The following TTC33 variants were observed in gnomAD, a reference collection of about 807,000 sequenced individuals.
TTC33 encodes the protein tetratricopeptide repeat domain 33.
In TTC33, 24 loss-of-function variants were observed where a neutral mutation model predicts 29.4. The ratio of observed to expected loss-of-function variants is 0.82; its 90% CI spans 0.59 to 1.15. The LOEUF is 1.15. Among genes scored for constraint, TTC33 ranks in the 50% most tolerant of loss-of-function variants. The probability of loss-of-function intolerance (pLI) is 0.00; values close to 1 mark genes in which losing one functional copy is unlikely to be tolerated. For missense variants in TTC33, 286 were observed against 310.4 expected (o/e 0.92, Z 0.59); for synonymous variants, 107 against 100.3 (o/e 1.07, Z -0.40).
rs1405000739 is a variant in TTC33, at chr5:40,713,243, T to C, written c.*2902A>G. On this transcript the variant is annotated 3_prime_UTR_variant, in exon 5 of 5. Transcript: ENST00000337702. ...CAGAATTGCTGGTCCAGAGTCACTT[T>C]AGAATGGCTCTGATTCAAGGAAATT... Among the ~76,000 whole-genome samples, 1 of 152,168 alleles carries C rather than the reference T, an allele frequency of 6.6e-6. No homozygotes were observed. The highest frequency in any genetic ancestry group is 1.9e-4 in the East Asian group (1 of 5,186).
chr5:40,746,021 A>C (rs1742782144), intron 2 of TTC33, among the ~76,000 whole-genome samples: 1 of 152,164 alleles, frequency 6.6e-6, no homozygotes, highest in African/African-American at 2.4e-5. Flanking sequence ...TACCTTTCAC[A>C]AATTTTTAAT....
At chr5:40,753,979 G>A (rs901073050) in intron 1 of TTC33, among the ~76,000 whole-genome samples, 20 of 151,878 alleles carry the variant, frequency 1.3e-4, no homozygotes, top group Admixed American at 1.1e-3. Context: ...AGGGTGGGAA[G>A]GAAAGGAAAA....
rs778989647 is a variant in TTC33 at position 40,716,349 on chromosome 5, G to A, written c.585C>T (p.His195=). The part of the protein sequence containing the change: ...KKSEAPAEVT[H]FSPKSIPDYD... ...AGTCTGGAATTGACTTTGGTGAAAA[G>A]TGTGTTACTTCAGCTGGTGCTTCAC... The change falls in exon 5 of 5, where the codon CAC becomes CAT. Residue 195 remains histidine, a synonymous_variant. Coordinates refer to ENST00000337702, the MANE Select transcript of TTC33 (RefSeq NM_012382.3). 3.0e-5 allele frequency: 48 copies of A among 1,614,182 alleles called. No homozygotes were observed. The highest frequency in any genetic ancestry group is 1.6e-4 in the Middle Eastern group (1 of 6,062).
At chr5:40,740,072 A>T (rs1456517210) in intron 2 of TTC33, among the ~76,000 whole-genome samples, 1 of 152,150 alleles carries the variant, frequency 6.6e-6, no homozygotes, top group Non-Finnish European at 1.5e-5. Context: ...TAATAGCAAT[A>T]TAATTCCATT....
intron 2 of TTC33, among the ~76,000 whole-genome samples, chr5:40,740,190 T>C (rs1285882526): frequency 6.6e-6 from 1 of 151,966 alleles, no homozygotes; most frequent in Non-Finnish European, 1.5e-5. Context: ...AGAATTTAAA[T>C]TTTTTGTTTA....
At chr5:40,753,610 T>C (rs145254355) in intron 1 of TTC33, among the ~76,000 whole-genome samples, 147 of 152,094 alleles carry the variant, frequency 9.7e-4, no homozygotes, top group African/African-American at 3.5e-3. Flanking sequence ...AAAACAGAAG[T>C]GTGGATACTA....
intron 2 of TTC33, among the ~76,000 whole-genome samples, chr5:40,746,092 G>C (rs1363280464): frequency 6.6e-6 from 1 of 152,038 alleles, no homozygotes. Flanking sequence ...TTTTCCTCTA[G>C]GTAGTAATCC....
chr5:40,715,231 T>A lies in TTC33; in HGVS notation c.*914A>T, dbSNP rs62356506. 6.6e-6 allele frequency: 1 copy of A among 152,148 alleles called. No individual in the cohort carries two copies. Among genetic ancestry groups the A allele is most frequent in the African/African-American group, 2.4e-5 (1 of 41,466 alleles). The allele number at this position is 152,148 out of a possible 1,614,324, so 9.4% of individuals were successfully genotyped here. On this transcript the variant is annotated 3_prime_UTR_variant, in exon 5 of 5. Transcript: ENST00000337702. ...TTTCAAAAAAAGTTATCTAGAAAAG[T>A]AATTCCCAGTCATCAAATGGAAAGA... is the stretch of plus-strand genomic sequence containing the variant.
At chr5:40,746,562 G>C (rs1338444469) in intron 2 of TTC33, among the ~76,000 whole-genome samples, 1 of 152,086 alleles carries the variant, frequency 6.6e-6, no homozygotes, top group South Asian at 2.1e-4. Context: ...GGCAAAGCAG[G>C]GACATAATTA....
At chr5:40,750,013 G>A (rs1280099221) in intron 1 of TTC33, among the ~76,000 whole-genome samples, 4 of 151,668 alleles carry the variant, frequency 2.6e-5, no homozygotes, top group Non-Finnish European at 4.4e-5. Context: ...GCTTGAACTC[G>A]GGAGGCAGAG....
At chr5:40,723,454 A>T (rs191698465) in intron 4 of TTC33, among the ~76,000 whole-genome samples, 12 of 152,320 alleles carry the variant, frequency 7.9e-5, no homozygotes, top group South Asian at 4.1e-4. Flanking sequence ...ATTTAAAAAA[A>T]TTTCAATTAA....
At chr5:40,738,364 G>A (rs989010451) in intron 2 of TTC33, among the ~76,000 whole-genome samples, 1 of 151,334 alleles carries the variant, frequency 6.6e-6, no homozygotes, top group Admixed American at 6.6e-5. Flanking sequence ...GCAGTGAGCT[G>A]AGATCATGCC....
At chr5:40,746,437 G>C (rs562192251) in intron 2 of TTC33, among the ~76,000 whole-genome samples, 7 of 151,998 alleles carry the variant, frequency 4.6e-5, no homozygotes, top group Non-Finnish European at 7.4e-5. Flanking sequence ...TAATTTACCT[G>C]ATACATAATG....
In TTC33 at chr5:40,728,402, T is replaced by C; in HGVS notation, c.378A>G (p.Ser126=). ...GTCCCAAAGTCTGCCAAGACTCCCA[T>C]GAATGTGGATTTTGCTGGACGGCCA... ...AEMAVQQNPH[S]WESWQTLGRA... is the part of the protein sequence containing the mutation. Residue 126 remains serine, a synonymous_variant, in exon 4 of 5, where the codon TCA becomes TCG. Coordinates refer to ENST00000337702, the MANE Select transcript of TTC33 (RefSeq NM_012382.3). 1.9e-6 allele frequency: 3 copies of C among 1,613,648 alleles called. No individual in the cohort carries two copies. Among genetic ancestry groups the C allele is most frequent in the Middle Eastern group, 1.7e-4 (1 of 6,058 alleles).
intron 2 of TTC33, among the ~76,000 whole-genome samples, chr5:40,739,057 G>C (rs1212545960): frequency 6.6e-6 from 1 of 152,110 alleles, no homozygotes; most frequent in African/African-American, 2.4e-5. Context: ...TGTATCAACT[G>C]ACCACATACA....
At chr5:40,746,591 T>C (rs1742792204) in intron 2 of TTC33, among the ~76,000 whole-genome samples, 1 of 152,176 alleles carries the variant, frequency 6.6e-6, no homozygotes, top group South Asian at 2.1e-4. Context: ...AAAACTATTT[T>C]ACAAACTTTC....
intron 1 of TTC33, among the ~76,000 whole-genome samples, chr5:40,754,313 T>A (rs1742946995): frequency 6.6e-6 from 1 of 150,600 alleles, no homozygotes; most frequent in African/African-American, 2.5e-5. Flanking sequence ...AAAAATACAG[T>A]CCTCTCAGAC....
At chr5:40,747,740 T>C (rs1742823138) in intron 1 of TTC33, among the ~76,000 whole-genome samples, 2 of 152,144 alleles carry the variant, frequency 1.3e-5, no homozygotes, top group African/African-American at 4.8e-5. Flanking sequence ...AGGTAACCCC[T>C]AAATTAAGAG....
At chr5:40,723,693 T>G (rs1180561020) in intron 4 of TTC33, among the ~76,000 whole-genome samples, 3 of 152,006 alleles carry the variant, frequency 2.0e-5, no homozygotes, top group Non-Finnish European at 4.4e-5. Context: ...GGCAAAACCC[T>G]GTCTCTACTA....
Sources: gnomAD v4.1 joint callset for allele counts (sites outside exome capture counted in the v4.1 genomes callset) on GRCh38, gnomAD v4.1.1 for gene constraint, MANE v1.5 for transcripts, NCBI Gene and HGNC (gene_info 2026-07-23, HGNC 2026-07-21) for gene names.